Variants in OXSR1 observed in about 807,000 individuals in gnomAD.
OXSR1 encodes the protein serine/threonine-protein kinase OSR1.
In OXSR1, 24 loss-of-function variants were observed where a neutral mutation model predicts 79.8. The ratio of observed to expected loss-of-function variants is 0.30; its 90% CI spans 0.22 to 0.42. The LOEUF (loss-of-function observed/expected upper bound fraction) is 0.42. Among genes scored for constraint, OXSR1 ranks in the 10% least tolerant of loss-of-function variants. The pLI is 1.00. For synonymous variants in OXSR1, 226 were observed against 209.2 expected (o/e 1.08, Z -0.69); for missense variants, 430 against 618.4 (o/e 0.70, Z 3.23).
chr3:38,225,385 C>G (rs1185211123), intron 8 of OXSR1, among the ~76,000 whole-genome samples: 1 of 152,062 alleles, frequency 6.6e-6, no homozygotes, highest in Non-Finnish European at 1.5e-5. Flanking sequence ...CATATATATT[C>G]CACTCAGCTT....
intron 1 of OXSR1, among the ~76,000 whole-genome samples, chr3:38,177,022 A>G (rs1367706954): frequency 6.6e-6 from 1 of 152,222 alleles, no homozygotes; most frequent in Non-Finnish European, 1.5e-5. Flanking sequence ...TTGAGAACTA[A>G]TACTGGTTAA....
At chr3:38,169,550 C>T (rs141767710) in intron 1 of OXSR1, among the ~76,000 whole-genome samples, 1 of 151,970 alleles carries the variant, frequency 6.6e-6, no homozygotes, top group African/African-American at 2.4e-5. Context: ...AGGTGATCCG[C>T]CTGCTTGGCC....
At chr3:38,204,591 T>TG (rs1310857789) in intron 4 of OXSR1, among the ~76,000 whole-genome samples, 1 of 151,710 alleles carries the variant, frequency 6.6e-6, no homozygotes, top group Non-Finnish European at 1.5e-5. Context: ...TTTAAGGCAA[T>TG]GAGTTCCCTT....
rs139764650 is a variant in OXSR1, at chr3:38,249,304, C to T, written c.1323-662C>T. Among the ~76,000 whole-genome samples the T allele has an allele frequency of 2.0e-3, 297 of 152,262 alleles. 1 individual carries two copies. The highest frequency in any genetic ancestry group is 2.8e-3 in the Non-Finnish European group (190 of 68,018). On this transcript the variant is annotated intron_variant, in intron 14 of 17. Coordinates refer to ENST00000311806, the MANE Select transcript of OXSR1 (RefSeq NM_005109.3). ...TAATCTCAGTGCATGGTGTGATCAT[C>T]ACTGTAACTGTACCTCACCAGTCAG... is the stretch of plus-strand genomic sequence containing the variant.
intron 4 of OXSR1, among the ~76,000 whole-genome samples, chr3:38,206,858 T>A (rs923393828): frequency 6.6e-6 from 1 of 152,260 alleles, no homozygotes; most frequent in African/African-American, 2.4e-5. Flanking sequence ...ATCCCAGCTC[T>A]GTCACTAATT....
At chr3:38,181,135 A>G (rs1223339080) in intron 1 of OXSR1, among the ~76,000 whole-genome samples, 2 of 141,910 alleles carry the variant, frequency 1.4e-5, no homozygotes, top group Admixed American at 7.0e-5. Context: ...TTTTTTCCCT[A>G]GTCTGTTTTC....
At chr3:38,166,010 G>A in intron 1 of OXSR1, 64 bp downstream of exon 1, 1 of 1,408,684 alleles carries the variant, frequency 7.1e-7, no homozygotes, top group Non-Finnish European at 9.9e-7. Context: ...CGGGAACGTG[G>A]GGAGCCGCGG....
rs192424823 is a variant in OXSR1 at position 38,175,572 on chromosome 3, A to G, written c.71-7431A>G. On this transcript the variant is annotated intron_variant, in intron 1 of 17. Transcript: ENST00000311806. ...TGCCTTGGCCTCCCAAAGTGCTGAG[A>G]CTACAGGTGGGAGCCACAATGCCCG... 5.3e-5 allele frequency among the ~76,000 whole-genome samples: 8 copies of G among 152,350 alleles called. No homozygotes were observed. The East Asian group carries it at 1.5e-3, about 29-fold the overall frequency.
In OXSR1 at chr3:38,216,098, A is replaced by G; in HGVS notation, c.437A>G (p.Asp146Gly). Residue 146 changes from aspartate to glycine, a missense_variant and splice_region_variant, in exon 5 of 18, where the codon GAT becomes GGT. Transcript: ENST00000311806. ...YLHKNGQIHR[D>G]VKAGNILLGE... ...TAACTTTTTTTTTTTTTTTAAAGAG[A>G]TGTGAAAGCTGGAAACATTCTTCTT... is the stretch of plus-strand genomic sequence containing the variant. 6.4e-7 allele frequency: 1 copy of G among 1,553,986 alleles called. No homozygotes were observed. The highest frequency in any genetic ancestry group is 8.8e-7 in the Non-Finnish European group (1 of 1,135,878).
chr3:38,225,309 T>G (rs1702668735), intron 8 of OXSR1, among the ~76,000 whole-genome samples: 1 of 152,154 alleles, frequency 6.6e-6, no homozygotes, highest in African/African-American at 2.4e-5. Context: ...GAGTAGGACT[T>G]GAATCTCAAA....
intron 4 of OXSR1, among the ~76,000 whole-genome samples, chr3:38,203,010 G>C (rs572513687): frequency 6.6e-6 from 1 of 152,268 alleles, no homozygotes; most frequent in East Asian, 1.9e-4. Context: ...GCAGTCATCC[G>C]GAGGCCTAAA....
chr3:38,216,837 C>T (rs1219579026), intron 5 of OXSR1, among the ~76,000 whole-genome samples: 2 of 152,056 alleles, frequency 1.3e-5, no homozygotes, highest in African/African-American at 2.4e-5. Flanking sequence ...ATAATTTAGG[C>T]GAACATCTTC....
intron 4 of OXSR1, among the ~76,000 whole-genome samples, chr3:38,203,252 C>T (rs929942375): frequency 3.9e-5 from 6 of 152,296 alleles, no homozygotes; most frequent in East Asian, 3.9e-4. Context: ...CCTATGATCA[C>T]GGGACTTGCT....
In OXSR1 at chr3:38,255,427, G is replaced by T. The variant is rs1235933113; in HGVS notation, c.*2536G>T. ...TATTCAACTTTTTCCTCCTTTTTTT[G>T]GACTTTGTATTTTACTGCATGTTTT... is the stretch of plus-strand genomic sequence containing the variant. On this transcript the variant is annotated 3_prime_UTR_variant, in exon 18 of 18. Coordinates refer to ENST00000311806, the MANE Select transcript of OXSR1 (RefSeq NM_005109.3). The T allele has an allele frequency of 1.3e-5, 2 of 152,282 alleles. No individual in the cohort carries two copies. Among genetic ancestry groups the T allele is most frequent in the Non-Finnish European group, 2.9e-5 (2 of 67,948 alleles). 9.4% of individuals were successfully genotyped at this position (152,282 alleles called of 1,614,324 possible).
At chr3:38,187,577 G>A (rs1311052916) in intron 2 of OXSR1, among the ~76,000 whole-genome samples, 1 of 152,108 alleles carries the variant, frequency 6.6e-6, no homozygotes, top group Non-Finnish European at 1.5e-5. Context: ...AAATGATGGT[G>A]AGTGAGTTTC....
intron 4 of OXSR1, 37 bp from the exon 5 acceptor site, chr3:38,216,059 T>A: frequency 7.8e-7 from 1 of 1,278,180 alleles, no homozygotes. Flanking sequence ...AAAGAATAGA[T>A]GTTTTTTGAT....
chr3:38,187,089 G>C (rs543255512), intron 2 of OXSR1, among the ~76,000 whole-genome samples: 117 of 152,290 alleles, frequency 7.7e-4, no homozygotes, highest in African/African-American at 2.7e-3. Context: ...GGTAGGCTTT[G>C]CTGTGGTCTA....
Position 38,212,540 on chromosome 3 carries a change from G to A in OXSR1, c.435-3556G>A, listed in dbSNP as rs990835826. On this transcript the variant is annotated intron_variant, in intron 4 of 17. Coordinates refer to ENST00000311806, the MANE Select transcript of OXSR1 (RefSeq NM_005109.3). ...TTAAATGTAGTGTATTTACAGCTTT[G>A]GTTTTGATTCATTGCTTTTCTTGAC... 5.9e-5 allele frequency among the ~76,000 whole-genome samples: 9 copies of A among 152,212 alleles called. No individual in the cohort carries two copies. The South Asian group carries it at 1.9e-3, about 32-fold the overall frequency.
chr3:38,174,714 G>A (rs1240351311), intron 1 of OXSR1, among the ~76,000 whole-genome samples: 1 of 152,160 alleles, frequency 6.6e-6, no homozygotes, highest in Non-Finnish European at 1.5e-5. Context: ...TCTGGATATA[G>A]CATATTTTTT....
Sources: gnomAD v4.1 joint callset for allele counts (sites outside exome capture counted in the v4.1 genomes callset) on GRCh38, gnomAD v4.1.1 for gene constraint, MANE v1.5 for transcripts, NCBI Gene and HGNC (gene_info 2026-07-23, HGNC 2026-07-21) for gene names.